Variants in ADGRL3 observed in about 807,000 individuals in gnomAD.
ADGRL3 encodes the protein adhesion G protein-coupled receptor L3.
Under a neutral mutation model 153.5 loss-of-function variants are expected in ADGRL3, and 62 were observed. The observed-to-expected ratio is 0.40, with a 90% CI of 0.33 to 0.50. The LOEUF (loss-of-function observed/expected upper bound fraction) is 0.50, where lower values mean the gene tolerates loss of function less well. Ranked by LOEUF, ADGRL3 falls within the 20% of genes least tolerant of loss-of-function variation. The pLI, the probability that ADGRL3 is intolerant of heterozygous loss-of-function variation, is 0.47. For missense variants in ADGRL3, 1,641 were observed against 1,859.4 expected (o/e 0.88, Z 2.16); for synonymous variants, 710 against 672.5 (o/e 1.06, Z -0.86).
At chr4:61,544,883 A>C (rs2098706582) in intron 4 of ADGRL3, among the ~76,000 whole-genome samples, 1 of 152,128 alleles carries the variant, frequency 6.6e-6, no homozygotes, top group Admixed American at 6.5e-5. Flanking sequence ...AACACTTTGC[A>C]ATATGGCTTA....
chr4:61,655,305 A>AT (rs2094411530), intron 5 of ADGRL3, among the ~76,000 whole-genome samples: 3 of 152,180 alleles, frequency 2.0e-5, no homozygotes. Context: ...CTAAGAGAAT[A>AT]TTTTTAACGG....
chr4:61,861,335 T>C (rs2098338010), intron 9 of ADGRL3, among the ~76,000 whole-genome samples: 1 of 152,206 alleles, frequency 6.6e-6, no homozygotes, highest in Non-Finnish European at 1.5e-5. Context: ...TATTGATTTA[T>C]GGTAATACCT....
intron 9 of ADGRL3, among the ~76,000 whole-genome samples, chr4:61,863,178 G>A (rs2098361981): frequency 6.7e-6 from 1 of 150,070 alleles, no homozygotes; most frequent in African/African-American, 2.5e-5. Flanking sequence ...AACATAGATC[G>A]ACACATTATT....
intron 5 of ADGRL3, among the ~76,000 whole-genome samples, chr4:61,643,105 A>G (rs1372078112): frequency 6.6e-6 from 1 of 152,202 alleles, no homozygotes; most frequent in Non-Finnish European, 1.5e-5. Flanking sequence ...TTATTGGTGT[A>G]TAAGAATGCT....
chr4:61,331,791 A>G (rs1352986983), intron 1 of ADGRL3, among the ~76,000 whole-genome samples: 1 of 152,144 alleles, frequency 6.6e-6, no homozygotes, highest in Non-Finnish European at 1.5e-5. Flanking sequence ...ATGAAAATAT[A>G]TATAATTACA....
At chr4:61,830,704 GA>G (rs1326090901) in intron 9 of ADGRL3, among the ~76,000 whole-genome samples, 4 of 152,070 alleles carry the variant, frequency 2.6e-5, no homozygotes, top group African/African-American at 9.7e-5. Context: ...GAATGCTACA[GA>G]ATAGGAAAAT....
At chr4:61,991,396 G>C (rs1021347276) in intron 19 of ADGRL3, among the ~76,000 whole-genome samples, 3 of 151,760 alleles carry the variant, frequency 2.0e-5, no homozygotes, top group African/African-American at 4.8e-5. Context: ...ACATTTAGTA[G>C]TATTAATAAA....
At chr4:61,382,768 C>G (rs375292331) in intron 1 of ADGRL3, among the ~76,000 whole-genome samples, 4 of 151,702 alleles carry the variant, frequency 2.6e-5, no homozygotes, top group South Asian at 4.1e-4. Flanking sequence ...CTAATCAATC[C>G]CAGTATCTTA....
At chr4:61,748,698 C>T (rs1313335072) in intron 8 of ADGRL3, among the ~76,000 whole-genome samples, 1 of 152,096 alleles carries the variant, frequency 6.6e-6, no homozygotes, top group Non-Finnish European at 1.5e-5. Flanking sequence ...ACACCTTATA[C>T]AAAAATTAAT....
chr4:61,287,469 G>A (rs140045419), intron 1 of ADGRL3, among the ~76,000 whole-genome samples: 116 of 151,984 alleles, frequency 7.6e-4, no homozygotes, highest in African/African-American at 2.7e-3. Flanking sequence ...TGTTCGCAAC[G>A]AGGGATAAGA....
In ADGRL3 at chr4:61,732,929, C is replaced by T. The variant is rs767290063; in HGVS notation, c.774C>T (p.Asp258=). Residue 258 remains aspartate, a synonymous_variant, in exon 8 of 27, where the codon GAC becomes GAT. Coordinates refer to ENST00000683033, the MANE Select transcript of ADGRL3 (RefSeq NM_001387552.1). ...DTLTEYSSKD[D]FIAGRPTTTY... is the part of the protein sequence containing the mutation. ...TGACTGAGTATTCATCCAAGGATGA[C>T]TTCATTGCTGGAAGACCAACTACAA... 2.2e-5 allele frequency: 36 copies of T among 1,613,662 alleles called. No homozygotes were observed. The East Asian group carries it at 7.8e-4, about 35-fold the overall frequency.
chr4:62,006,627 T>G (rs1339967826), intron 21 of ADGRL3, among the ~76,000 whole-genome samples: 1 of 151,768 alleles, frequency 6.6e-6, no homozygotes, highest in Non-Finnish European at 1.5e-5. Context: ...TATTTATTTT[T>G]GGTATTGGTT....
At chr4:61,756,557 A>T (rs989993663) in intron 8 of ADGRL3, among the ~76,000 whole-genome samples, 1 of 152,196 alleles carries the variant, frequency 6.6e-6, no homozygotes. Flanking sequence ...TAATCATATC[A>T]TCTGTAAACA....
At chr4:61,711,602 G>A (rs1273741181) in intron 6 of ADGRL3, among the ~76,000 whole-genome samples, 2 of 150,618 alleles carry the variant, frequency 1.3e-5, no homozygotes, top group South Asian at 2.1e-4. Flanking sequence ...TGGACAGCCC[G>A]TAGTACCAGA....
chr4:62,051,168 G>GTGTATA (rs1206315599), intron 25 of ADGRL3, among the ~76,000 whole-genome samples: 2 of 139,164 alleles, frequency 1.4e-5, no homozygotes, highest in African/African-American at 5.3e-5. Flanking sequence ...GTGTGTGTGT[G>GTGTATA]TATATATATA....
At chr4:61,732,657 C>G (rs2096460910) in intron 7 of ADGRL3, 97 bp from the exon 8 acceptor site, 1 of 573,502 alleles carries the variant, frequency 1.7e-6, no homozygotes, top group Non-Finnish European at 2.7e-6. Context: ...GTGGGTATCT[C>G]TTGTTAGAGT....
At chr4:61,396,884 T>A (rs867970954) in intron 2 of ADGRL3, among the ~76,000 whole-genome samples, 22 of 151,778 alleles carry the variant, frequency 1.4e-4, no homozygotes, top group Admixed American at 6.6e-5. Context: ...TCTATTATGT[T>A]CCAGGCAATA....
rs762448146 is a variant in ADGRL3, at chr4:61,813,905, T to C, written c.1480+16T>C. On this transcript the variant is annotated intron_variant, in intron 9 of 26. Coordinates refer to ENST00000683033, the MANE Select transcript of ADGRL3 (RefSeq NM_001387552.1). ...TCTGTTAAAGGTGAGTTTTTCTTTA[T>C]ATGAAGAAAAAGTAACTCTGCTCAT... The C allele has an allele frequency of 4.5e-5, 73 of 1,611,252 alleles. No homozygotes were observed. The highest frequency in any genetic ancestry group is 5.6e-5 in the Non-Finnish European group (66 of 1,178,114).
At chr4:61,794,813 G>A (rs566190613) in intron 8 of ADGRL3, among the ~76,000 whole-genome samples, 49 of 152,254 alleles carry the variant, frequency 3.2e-4, no homozygotes, top group African/African-American at 1.2e-3. Flanking sequence ...TTAGGTGGTG[G>A]CTCCTTCAGT....
Sources: gnomAD v4.1 joint callset for allele counts (sites outside exome capture counted in the v4.1 genomes callset) on GRCh38, gnomAD v4.1.1 for gene constraint, MANE v1.5 for transcripts, NCBI Gene and HGNC (gene_info 2026-07-23, HGNC 2026-07-21) for gene names.